Variants in CSGALNACT1 observed in about 807,000 individuals in gnomAD.
CSGALNACT1 encodes the protein beta4GalNAcT-1.
A neutral mutation model predicts 51.0 loss-of-function variants in CSGALNACT1; 52 were observed. The ratio of observed to expected loss-of-function variants is 1.02; its 90% CI spans 0.82 to 1.29. The LOEUF (loss-of-function observed/expected upper bound fraction) is 1.29, where lower values mean the gene tolerates loss of function less well. Among genes scored for constraint, CSGALNACT1 ranks in the 50% most tolerant of loss-of-function variants. The pLI is 0.00. For missense variants in CSGALNACT1, 935 were observed against 679.2 expected (o/e 1.38, Z -4.19); for synonymous variants, 341 against 254.4 (o/e 1.34, Z -3.24).
At chr8:19,756,632 C>T (rs1271045714) in intron 1 of CSGALNACT1, among the ~76,000 whole-genome samples, 5 of 151,904 alleles carry the variant, frequency 3.3e-5, no homozygotes, top group Admixed American at 3.3e-4. Flanking sequence ...GATCGCACGT[C>T]CCCTGGGCAT....
intron 1 of CSGALNACT1, among the ~76,000 whole-genome samples, chr8:19,612,946 GAAAAAAAAAAAAAAAAAAAA>G (rs1165754811): frequency 2.6e-4 from 4 of 15,428 alleles, no homozygotes; most frequent in Admixed American, 1.3e-3. Flanking sequence ...AAAGCAGCTG[GAAAAAAAAAAAAAAAAAAAA>G]AAAAAAAAAA....
At chr8:19,660,910 T>G (rs1238638789) in intron 1 of CSGALNACT1, among the ~76,000 whole-genome samples, 1 of 151,830 alleles carries the variant, frequency 6.6e-6, no homozygotes, top group African/African-American at 2.4e-5. Flanking sequence ...GGTTTGTTTG[T>G]TTGTTTTGTT....
chr8:19,734,757 T>C (rs2063873487), intron 1 of CSGALNACT1, among the ~76,000 whole-genome samples: 1 of 152,062 alleles, frequency 6.6e-6, no homozygotes, highest in African/African-American at 2.4e-5. Context: ...ACCGGATAGC[T>C]GAAGAAAACC....
Position 19,756,753 on chromosome 8 carries a change from A to T in CSGALNACT1, c.-297+1097T>A, listed in dbSNP as rs893072791. 1.9e-4 allele frequency among the ~76,000 whole-genome samples: 29 copies of T among 151,754 alleles called. No homozygotes were observed. In the South Asian group the frequency reaches 5.0e-3, roughly 26 times the overall value. On this transcript the variant is annotated intron_variant, in intron 1 of 1. Coordinates refer to the CSGALNACT1 transcript ENST00000517494. ...ACGCCCCCTCCACCCTCTCCATCCC[A>T]GCCACAATAATACAATAACCGCAGT...
chr8:19,675,618 G>C (rs964303269), intron 1 of CSGALNACT1, among the ~76,000 whole-genome samples: 3 of 152,014 alleles, frequency 2.0e-5, no homozygotes, highest in African/African-American at 7.2e-5. Flanking sequence ...TCAGCCTCCT[G>C]AGTAGCTGGG....
intron 3 of CSGALNACT1, among the ~76,000 whole-genome samples, chr8:19,528,486 A>C (rs1427480928): frequency 6.6e-6 from 1 of 151,592 alleles, no homozygotes; most frequent in Non-Finnish European, 1.5e-5. Flanking sequence ...AATACCAAAC[A>C]CCCCCTTTTC....
intron 1 of CSGALNACT1, among the ~76,000 whole-genome samples, chr8:19,671,544 C>T (rs556315475): frequency 6.0e-4 from 92 of 152,320 alleles, no homozygotes; most frequent in African/African-American, 2.2e-3. Context: ...CTGCTACACC[C>T]CAAATGTTGT....
At chr8:19,700,288 G>A (rs2061794186) in intron 1 of CSGALNACT1, among the ~76,000 whole-genome samples, 2 of 152,078 alleles carry the variant, frequency 1.3e-5, no homozygotes, top group South Asian at 4.2e-4. Flanking sequence ...TTCCTAGACA[G>A]CACTCACAGG....
chr8:19,681,846 A>C (rs1167263044), intron 1 of CSGALNACT1, among the ~76,000 whole-genome samples: 2 of 152,190 alleles, frequency 1.3e-5, no homozygotes, highest in Non-Finnish European at 2.9e-5. Flanking sequence ...CATAGGGCAG[A>C]GTTCACAGGG....
At chr8:19,675,745 C>T (rs1589441204) in intron 1 of CSGALNACT1, among the ~76,000 whole-genome samples, 1 of 152,100 alleles carries the variant, frequency 6.6e-6, no homozygotes, top group Admixed American at 6.6e-5. Flanking sequence ...ACCTCAGCCT[C>T]CTAAAATGCT....
At chr8:19,577,198 G>C (rs1489700305) in intron 3 of CSGALNACT1, among the ~76,000 whole-genome samples, 1 of 152,110 alleles carries the variant, frequency 6.6e-6, no homozygotes, top group East Asian at 1.9e-4. Flanking sequence ...CTTGGCCTTG[G>C]AGAATTCATA....
In CSGALNACT1 at chr8:19,647,245, C is replaced by T. The variant is rs1335713459; in HGVS notation, c.-544+35228G>A. On this transcript the variant is annotated intron_variant, in intron 1 of 9. Transcript: ENST00000332246. ...AACAAGTATTTCCTGATTTTATACC[C>T]CAGTGACTAAAAATGGCTACACGAG... Among the ~76,000 whole-genome samples the T allele has an allele frequency of 2.6e-5, 4 of 152,148 alleles. No individual in the cohort carries two copies. In the East Asian group the frequency reaches 7.7e-4, roughly 29 times the overall value.
chr8:19,678,432 G>A (rs923097031), intron 1 of CSGALNACT1: 2 of 152,176 alleles, frequency 1.3e-5, no homozygotes, highest in East Asian at 3.8e-4. Context: ...AACTATTACA[G>A]AAAGGTAGAA....
chr8:19,744,244 G>A (rs548111835), intron 1 of CSGALNACT1, among the ~76,000 whole-genome samples: 4 of 152,278 alleles, frequency 2.6e-5, no homozygotes, highest in South Asian at 2.1e-4. Flanking sequence ...CACCAGCCAC[G>A]TTCTTTAAAA....
chr8:19,599,508 G>GAAAGAAAGAAAGAAAC (rs1564211423), intron 2 of CSGALNACT1, among the ~76,000 whole-genome samples: 3 of 122,134 alleles, frequency 2.5e-5, no homozygotes, highest in Non-Finnish European at 3.6e-5. Flanking sequence ...AAGAAAGAAA[G>GAAAGAAAGAAAGAAAC]AAAGAAAGAA....
At chr8:19,457,718 C>T in intron 5 of CSGALNACT1, 1 of 1,339,524 alleles carries the variant, frequency 7.5e-7, no homozygotes, top group Non-Finnish European at 9.8e-7. Context: ...GCTGGTTATC[C>T]TCAGCCAATA....
At chr8:19,471,612 C>A (rs1563587908) in intron 4 of CSGALNACT1, among the ~76,000 whole-genome samples, 1 of 152,244 alleles carries the variant, frequency 6.6e-6, no homozygotes. Context: ...ACGCCGGTAA[C>A]TCAGGGTAAC....
intron 5 of CSGALNACT1, among the ~76,000 whole-genome samples, chr8:19,458,054 G>C (rs1199947871): frequency 6.6e-6 from 1 of 152,196 alleles, no homozygotes; most frequent in East Asian, 1.9e-4. Context: ...GCCACCACCA[G>C]CTCCTCTCTC....
intron 5 of CSGALNACT1, among the ~76,000 whole-genome samples, chr8:19,457,226 AAAC>A (rs1232028607): frequency 3.9e-5 from 6 of 152,206 alleles, no homozygotes; most frequent in Non-Finnish European, 7.4e-5. Context: ...CTTTAAATTC[AAAC>A]AGAGTACGCT....
Sources: gnomAD v4.1 joint callset for allele counts (sites outside exome capture counted in the v4.1 genomes callset) on GRCh38, gnomAD v4.1.1 for gene constraint, MANE v1.5 for transcripts, NCBI Gene and HGNC (gene_info 2026-07-23, HGNC 2026-07-21) for gene names.